The following RIMS2 variants were observed in gnomAD, a reference collection of about 807,000 sequenced individuals.
RIMS2 encodes the protein regulating synaptic membrane exocytosis protein 2.
In RIMS2, 59 loss-of-function variants were observed where a neutral mutation model predicts 174.4. That is an observed-to-expected ratio of 0.34 (90% CI 0.27 to 0.42). The LOEUF (loss-of-function observed/expected upper bound fraction) is 0.42. RIMS2 is among the 10% of genes least tolerant of loss of function. The pLI, the probability that RIMS2 is intolerant of heterozygous loss-of-function variation, is 1.00. For synonymous variants in RIMS2, 606 were observed against 572.5 expected (o/e 1.06, Z -0.84); for missense variants, 1,620 against 1,666.3 (o/e 0.97, Z 0.48).
exon 4 of RIMS2, chr8:103,886,066 G>A: frequency 6.2e-7 from 1 of 1,613,100 alleles, no homozygotes; most frequent in Non-Finnish European, 8.5e-7. Flanking sequence ...ACCAGTCAGA[G>A]TCAGTGAGAC....
At chr8:103,829,082 A>T in intron 3 of RIMS2, among the ~76,000 whole-genome samples, 1 of 117,786 alleles carries the variant, frequency 8.5e-6, no homozygotes, top group African/African-American at 3.4e-5. Flanking sequence ...GAATTTAATA[A>T]TAGGTTTTTT....
chr8:103,896,580 A>T (rs1017153712), intron 4 of RIMS2, among the ~76,000 whole-genome samples: 1 of 151,672 alleles, frequency 6.6e-6, no homozygotes, highest in East Asian at 1.9e-4. Flanking sequence ...ACTATCTAGA[A>T]GTACCACCTT....
intron 1 of RIMS2, among the ~76,000 whole-genome samples, chr8:103,629,920 G>A (rs1018868911): frequency 6.6e-6 from 1 of 152,076 alleles, no homozygotes; most frequent in African/African-American, 2.4e-5. Flanking sequence ...AAGGAAGGCA[G>A]GGAGAGGGGG....
chr8:103,703,438 A>T (rs886502670), intron 2 of RIMS2, among the ~76,000 whole-genome samples: 2 of 152,000 alleles, frequency 1.3e-5, no homozygotes, highest in African/African-American at 4.8e-5. Context: ...GGGTTTCGCC[A>T]TATTGGTTAG....
intron 20 of RIMS2, 63 bp from the exon 27 acceptor site, chr8:104,248,638 C>T: frequency 1.1e-6 from 1 of 917,204 alleles, no homozygotes; most frequent in South Asian, 1.3e-5. Context: ...TAGAATGAAA[C>T]CAAGCTTACC....
chr8:104,039,490 A>G (rs1384158189), intron 19 of RIMS2, among the ~76,000 whole-genome samples: 6 of 151,798 alleles, frequency 4.0e-5, no homozygotes, highest in Non-Finnish European at 3.0e-5. Context: ...GTAATTCAAA[A>G]TATAGGAAAA....
chr8:103,683,686 G>C (rs1289661143), intron 1 of RIMS2, among the ~76,000 whole-genome samples: 1 of 152,160 alleles, frequency 6.6e-6, no homozygotes, highest in Non-Finnish European at 1.5e-5. Flanking sequence ...CAACAGTGTT[G>C]CAGTGGAAAT....
chr8:104,235,505 C>T (rs1262855821), intron 19 of RIMS2, among the ~76,000 whole-genome samples: 1 of 152,090 alleles, frequency 6.6e-6, no homozygotes, highest in African/African-American at 2.4e-5. Context: ...CTCTTTCCCT[C>T]CTTTGTTCTG....
At chr8:104,052,912 G>C (rs1442888708) in intron 19 of RIMS2, among the ~76,000 whole-genome samples, 1 of 152,150 alleles carries the variant, frequency 6.6e-6, no homozygotes, top group Non-Finnish European at 1.5e-5. Context: ...TGAAAAATCA[G>C]CTGAGAAAGA....
chr8:103,982,192 C>A (rs78102322), intron 16 of RIMS2, among the ~76,000 whole-genome samples: 4,612 of 151,750 alleles, frequency 0.03, 210 homozygotes, highest in African/African-American at 0.1. Context: ...CTAGATTGGG[C>A]CACAAAGAAA....
At chr8:103,972,385 C>A (rs149424560) in intron 15 of RIMS2, among the ~76,000 whole-genome samples, 1 of 152,224 alleles carries the variant, frequency 6.6e-6, no homozygotes, top group Admixed American at 6.5e-5. Context: ...CTTCTATAAT[C>A]TCTGTTATTA....
chr8:103,624,114 G>T (rs1028036250), intron 1 of RIMS2, among the ~76,000 whole-genome samples: 1 of 152,182 alleles, frequency 6.6e-6, no homozygotes, highest in Non-Finnish European at 1.5e-5. Context: ...TAGTTAATTT[G>T]ATGTGTCAAC....
rs564452704 is a variant in RIMS2, at chr8:103,658,018, G to A, written c.177-39068G>A. ...CAGGTTCACATTTGTTCACAACTCC[G>A]ATACCGTAGTTGCTTCTACTGTAAC... is the stretch of plus-strand genomic sequence containing the variant. On this transcript the variant is annotated intron_variant, in intron 1 of 23. Coordinates refer to ENST00000504942, the Ensembl canonical transcript of RIMS2. 6.6e-5 allele frequency among the ~76,000 whole-genome samples: 10 copies of A among 152,278 alleles called. No individual in the cohort carries two copies. In the East Asian group the frequency reaches 9.7e-4, roughly 15 times the overall value.
chr8:104,248,373 A>G (rs1272118827), intron 20 of RIMS2, among the ~76,000 whole-genome samples: 4 of 152,194 alleles, frequency 2.6e-5, no homozygotes, highest in South Asian at 2.1e-4. Flanking sequence ...AGGATTAAAT[A>G]TGATAAAGCC....
intron 1 of RIMS2, among the ~76,000 whole-genome samples, chr8:103,579,609 TGTAAG>T (rs1308264522): frequency 5.9e-5 from 9 of 152,196 alleles, no homozygotes; most frequent in South Asian, 2.1e-4. Flanking sequence ...TTCTTTATGA[TGTAAG>T]GTAAGTTTTC....
intron 3 of RIMS2, among the ~76,000 whole-genome samples, chr8:103,777,580 T>C (rs559872798): frequency 1.3e-5 from 2 of 152,016 alleles, no homozygotes; most frequent in Non-Finnish European, 2.9e-5. Flanking sequence ...TAAAAAGCTA[T>C]TTTATTTATT....
chr8:103,910,303 T>TA lies in RIMS2; in HGVS notation c.1692+102_1692+103insA. The stretch of plus-strand genomic sequence containing the variant: ...TTCTTTTTTGTATCTTTTTTTTTTT[T>TA]TTATCCCATACCTGTAGGGGACAGT... On this transcript the variant is annotated intron_variant, in intron 5 of 23. Coordinates refer to ENST00000504942, the Ensembl canonical transcript of RIMS2. The TA allele has an allele frequency of 1.9e-6, 3 of 1,544,838 alleles. No homozygotes were observed. The highest frequency in any genetic ancestry group is 1.8e-6 in the Non-Finnish European group (2 of 1,142,088).
chr8:103,797,624 A>G (rs2154448413), intron 3 of RIMS2, among the ~76,000 whole-genome samples: 1 of 152,322 alleles, frequency 6.6e-6, no homozygotes, highest in South Asian at 2.1e-4. Flanking sequence ...AAAAGAATTA[A>G]ACTACTTGTT....
chr8:103,698,963 GA>G (rs1215652594), intron 2 of RIMS2, among the ~76,000 whole-genome samples: 2 of 151,982 alleles, frequency 1.3e-5, no homozygotes, highest in Non-Finnish European at 2.9e-5. Context: ...TTACACCAGT[GA>G]AGCCATGTGG....
Sources: gnomAD v4.1 joint callset for allele counts (sites outside exome capture counted in the v4.1 genomes callset) on GRCh38, gnomAD v4.1.1 for gene constraint, MANE v1.5 for transcripts, NCBI Gene and HGNC (gene_info 2026-07-23, HGNC 2026-07-21) for gene names.